Variants in LRP3 observed in about 807,000 individuals in gnomAD.
LRP3 encodes the protein low-density lipoprotein receptor-related protein 3.
Under a neutral mutation model 58.5 loss-of-function variants are expected in LRP3, and 49 were observed. The ratio of observed to expected loss-of-function variants is 0.84; its 90% CI spans 0.67 to 1.06. LRP3 has a LOEUF of 1.06. LRP3 is among the 50% of genes least tolerant of loss of function. LRP3 has a pLI of 0.00. For synonymous variants in LRP3, 485 were observed against 492.2 expected (o/e 0.99, Z 0.20); for missense variants, 1,019 against 1,134.2 (o/e 0.90, Z 1.46).
chr19:33,206,209 G>T lies in LRP3; in HGVS notation c.1439G>T (p.Cys480Phe). 6.3e-7 allele frequency: 1 copy of T among 1,595,488 alleles called. No individual in the cohort carries two copies. The highest frequency in any genetic ancestry group is 8.5e-7 in the Non-Finnish European group (1 of 1,171,098). ...ETWRCDGQED[C>F]QDGSDEHGCL... ...TGGCGCTGTGACGGCCAGGAAGACT[G>T]CCAGGACGGCAGCGATGAGCATGGG... Residue 480 changes from cysteine to phenylalanine, a missense_variant, in exon 5 of 7, where the codon TGC (cysteine) becomes TTC (phenylalanine). Cys to Phe is a radical substitution (Grantham distance 205). Coordinates refer to ENST00000253193, the MANE Select transcript of LRP3 (RefSeq NM_002333.4).
chr19:33,205,925 C>T lies in LRP3; in HGVS notation c.1155C>T (p.Ser385=). The T allele has an allele frequency of 6.2e-7, 1 of 1,600,948 alleles. No individual in the cohort carries two copies. Among genetic ancestry groups the T allele is most frequent in the Non-Finnish European group, 8.5e-7 (1 of 1,173,656 alleles). ...GCAGTAGTGACAGTGACGGGGGCAGCCTGGGCGACCAGGGCTGCTTCTCAG... is the reference window on the plus strand; with the variant it reads ...GCAGTAGTGACAGTGACGGGGGCAGTCTGGGCGACCAGGGCTGCTTCTCAG... ...CGSSSDSDGG[S]LGDQGCFSEP... Residue 385 remains serine, a synonymous_variant, in exon 5 of 7, where the codon AGC becomes AGT. Transcript: ENST00000253193.
At chr19:33,197,951 G>A (rs765416005) in intron 2 of LRP3, among the ~76,000 whole-genome samples, 4 of 152,170 alleles carry the variant, frequency 2.6e-5, no homozygotes, top group East Asian at 1.9e-4. Flanking sequence ...GCTCAAGGCC[G>A]GGCCTTGCTC....
chr19:33,206,559 C>G (rs756897911), intron 5 of LRP3, 42 bp from the exon 6 acceptor site: 1 of 1,595,104 alleles, frequency 6.3e-7, no homozygotes, highest in South Asian at 1.1e-5. Context: ...GCTGCAGGTC[C>G]CGGGCAGCCC....
chr19:33,206,234 G>A lies in LRP3; in HGVS notation c.1464G>A (p.Gly488=). Residue 488 remains glycine, a synonymous_variant, in exon 5 of 7, where the codon GGG becomes GGA. Transcript: ENST00000253193. ...EDCQDGSDEH[G]CLAAVPRKVI... is the part of the protein sequence containing the mutation. ...GCCAGGACGGCAGCGATGAGCATGG[G>A]TGCCTGGCCGCCGTGCCCCGCAAGG... 6.3e-7 allele frequency: 1 copy of A among 1,597,158 alleles called. No individual in the cohort carries two copies. Among genetic ancestry groups the A allele is most frequent in the Middle Eastern group, 1.7e-4 (1 of 6,046 alleles).
chr19:33,199,661 G>A (rs940946030), intron 2 of LRP3, among the ~76,000 whole-genome samples: 1 of 152,072 alleles, frequency 6.6e-6, no homozygotes, highest in Non-Finnish European at 1.5e-5. Flanking sequence ...GGAAATTTCC[G>A]GGGGGCCCCC....
chr19:33,206,409 A>G (rs759499757), intron 5 of LRP3, 47 bp downstream of exon 5: 1 of 1,599,592 alleles, frequency 6.3e-7, no homozygotes, highest in Non-Finnish European at 8.5e-7. Flanking sequence ...TTCATCACCC[A>G]GGCTTGCTGT....
Position 33,205,953 on chromosome 19 carries a change from C to T in LRP3, c.1183C>T (p.Pro395Ser), listed in dbSNP as rs1311892735. 1.3e-6 allele frequency: 2 copies of T among 1,589,024 alleles called. No homozygotes were observed. Among genetic ancestry groups the T allele is most frequent in the East Asian group, 4.5e-5 (2 of 44,048 alleles). Residue 395 changes from proline to serine, a missense_variant, in exon 5 of 7, where the codon CCA becomes TCA. By Grantham distance (74) the Pro-to-Ser change is moderately conservative. Coordinates refer to ENST00000253193, the MANE Select transcript of LRP3 (RefSeq NM_002333.4). The stretch of plus-strand genomic sequence containing the variant: ...GGGCGACCAGGGCTGCTTCTCAGAG[C>T]CACAGCGCTGTGATGGCTGGTGGCA... ...SLGDQGCFSE[P>S]QRCDGWWHCA...
intron 3 of LRP3, 111 bp downstream of exon 3, chr19:33,203,097 ATG>A: frequency 1.5e-6 from 2 of 1,317,450 alleles, no homozygotes; most frequent in Non-Finnish European, 2.1e-6. Flanking sequence ...GAGGGTGTAC[ATG>A]TGTGTGAGCA....
rs1266917574 is a variant in LRP3 at position 33,194,371 on chromosome 19, G to A, written c.-415G>A. On this transcript the variant is annotated 5_prime_UTR_variant, in exon 1 of 7. Coordinates refer to ENST00000253193, the MANE Select transcript of LRP3 (RefSeq NM_002333.4). ...CTCTACCGGCGGCACCCGGCCGGGC[G>A]GGCTGGGCGCAGCGCGGGGCGGCCC... is the stretch of plus-strand genomic sequence containing the variant. 6.9e-6 allele frequency among the ~76,000 whole-genome samples: 1 copy of A among 145,576 alleles called. No individual in the cohort carries two copies. Among genetic ancestry groups the A allele is most frequent in the Non-Finnish European group, 1.5e-5 (1 of 65,584 alleles).
At position 33,207,271 on chromosome 19, in the gene LRP3, C is replaced by T. The variant is rs781316673; in HGVS notation, c.2009C>T (p.Ala670Val). Reference protein sequence around the residue: ...TRAAGDRPPSAPGRAPEVGPS... With the variant: ...TRAAGDRPPSVPGRAPEVGPS... ...GCGGCCGGAGACAGGCCCCCCAGTG[C>T]CCCCGGCCGTGCACCGGAGGTGGGA... The change falls in exon 7 of 7, where the codon GCC becomes GTC. Residue 670 changes from alanine (A) to valine (V), a missense_variant. By Grantham distance (64) the Ala-to-Val change is moderately conservative. Around this residue, in one of 2 missense-constraint regions of LRP3, gnomAD observed 427 missense variants for 408.6 expected, o/e 1.04. Transcript: ENST00000253193. The T allele has an allele frequency of 9.0e-6, 14 of 1,552,340 alleles. No homozygotes were observed. Among genetic ancestry groups the T allele is most frequent in the Non-Finnish European group, 1.2e-5 (14 of 1,156,728 alleles).
intron 2 of LRP3, among the ~76,000 whole-genome samples, chr19:33,201,932 T>A (rs927869034): frequency 6.6e-6 from 1 of 152,138 alleles, no homozygotes; most frequent in Non-Finnish European, 1.5e-5. Context: ...GGGCTCCTCC[T>A]TTGAGCTGGC....
rs747918129 is a variant in LRP3, at chr19:33,206,667, T to C, written c.1659T>C (p.Tyr553=). 6 of 1,581,612 alleles carry C rather than the reference T, an allele frequency of 3.8e-6. No individual in the cohort carries two copies. Among genetic ancestry groups the C allele is most frequent in the East Asian group, 2.2e-5 (1 of 44,614 alleles). The change falls in exon 6 of 7, where the codon TAT becomes TAC. Residue 553 remains tyrosine (Y), a synonymous_variant. Transcript: ENST00000253193. ...TGCGGCGGGAGGCACCCCCATCCTA[T>C]GGTCAGCTCATCGCCCAGGGCCTCA... is the stretch of plus-strand genomic sequence containing the variant. ...EFVRREAPPS[Y]GQLIAQGLIP...
In LRP3 at chr19:33,206,231, T is replaced by C. The variant is rs746365558; in HGVS notation, c.1461T>C (p.His487=). The C allele has an allele frequency of 4.4e-6, 7 of 1,597,198 alleles. No individual in the cohort carries two copies. In the East Asian group the frequency reaches 9.0e-5, roughly 21 times the overall value. Residue 487 remains histidine, a synonymous_variant, in exon 5 of 7, where the codon CAT becomes CAC. Coordinates refer to ENST00000253193, the MANE Select transcript of LRP3 (RefSeq NM_002333.4). ...ACTGCCAGGACGGCAGCGATGAGCA[T>C]GGGTGCCTGGCCGCCGTGCCCCGCA... The part of the protein sequence containing the change: ...QEDCQDGSDE[H]GCLAAVPRKV...
In LRP3 at chr19:33,205,420, T is replaced by A. The variant is rs1416735921; in HGVS notation, c.650T>A (p.Phe217Tyr). ...PPGSLCPGGTFPCSGARSTRC... is the reference protein window; with the variant it reads ...PPGSLCPGGTYPCSGARSTRC... Reference sequence around the variant, plus strand: ...GGCAGCCTGTGCCCCGGGGGGACCTTCCCATGCAGCGGGGCGCGCTCCACG... The same window carrying A: ...GGCAGCCTGTGCCCCGGGGGGACCTACCCATGCAGCGGGGCGCGCTCCACG... The change falls in exon 5 of 7, where the codon TTC (phenylalanine) becomes TAC (tyrosine). Residue 217 changes from phenylalanine (F) to tyrosine (Y), a missense_variant. Physicochemically the swap from Phe to Tyr is conservative, Grantham distance 22. Coordinates refer to ENST00000253193, the MANE Select transcript of LRP3 (RefSeq NM_002333.4). The A allele has an allele frequency of 6.3e-7, 1 of 1,593,786 alleles. No homozygotes were observed. Among genetic ancestry groups the A allele is most frequent in the African/African-American group, 1.3e-5 (1 of 74,612 alleles).
chr19:33,207,507 A>T lies in LRP3; in HGVS notation c.2245A>T (p.Arg749Trp). The T allele has an allele frequency of 6.2e-7, 1 of 1,602,876 alleles. No individual in the cohort carries two copies. Among genetic ancestry groups the T allele is most frequent in the Non-Finnish European group, 8.5e-7 (1 of 1,177,682 alleles). ...CTCGCCAGAGCCACTGGGGGTCTGC[A>T]GGAACCCCCCGCCCCCCTGCTCCCC... is the stretch of plus-strand genomic sequence containing the variant. ...PHSPEPLGVC[R>W]NPPPPCSPML... Residue 749 changes from arginine (R) to tryptophan (W), a missense_variant, in exon 7 of 7, where the codon AGG becomes TGG. Arg to Trp is a moderately radical substitution (Grantham distance 101, BLOSUM62 -3). Around this residue, in one of 2 missense-constraint regions of LRP3, gnomAD observed 427 missense variants for 408.6 expected, o/e 1.04. Transcript: ENST00000253193.
chr19:33,207,414 C>T lies in LRP3; in HGVS notation c.2152C>T (p.Arg718Trp), dbSNP rs745884839. The change falls in exon 7 of 7, where the codon CGG (arginine) becomes TGG (tryptophan). Residue 718 changes from arginine to tryptophan, a missense_variant. By Grantham distance (101) the Arg-to-Trp change is moderately radical. Transcript: ENST00000253193. ...VDGPAPADAP[R>W]EPCSAQDPHP... is the part of the protein sequence containing the mutation. ...CGGCCCAGCTCCTGCAGATGCACCTCGGGAGCCCTGCTCAGCCCAGGACCC... is the reference window on the plus strand; with the variant it reads ...CGGCCCAGCTCCTGCAGATGCACCTTGGGAGCCCTGCTCAGCCCAGGACCC... 1.2e-5 allele frequency: 19 copies of T among 1,590,784 alleles called. No individual in the cohort carries two copies. Among genetic ancestry groups the T allele is most frequent in the East Asian group, 6.8e-5 (3 of 44,050 alleles).
At chr19:33,198,186 T>C (rs2084212437) in intron 2 of LRP3, among the ~76,000 whole-genome samples, 1 of 152,184 alleles carries the variant, frequency 6.6e-6, no homozygotes, top group Admixed American at 6.5e-5. Flanking sequence ...AATGTGTATA[T>C]ACTCCACTTT....
rs546649588 is a variant in LRP3 at position 33,194,986 on chromosome 19, C to T, written c.73+128C>T. On this transcript the variant is annotated intron_variant, in intron 1 of 6. Coordinates refer to ENST00000253193, the MANE Select transcript of LRP3 (RefSeq NM_002333.4). ...ACCGCGGTGGCTCCCGCGCGGAGAC[C>T]CAGAGAGGGGCCAGCACCGCTTGCC... 21 of 303,600 alleles carry T rather than the reference C, an allele frequency of 6.9e-5. No homozygotes were observed. The East Asian group carries it at 2.6e-3, about 38-fold the overall frequency. The allele number at this position is 303,600 out of a possible 1,614,324, so 18.8% of individuals were successfully genotyped here.
intron 3 of LRP3, 143 bp downstream of exon 3, chr19:33,203,129 G>T (rs1224371356): frequency 3.8e-6 from 4 of 1,053,720 alleles, no homozygotes; most frequent in Non-Finnish European, 5.5e-6. Context: ...TCATGTGCAT[G>T]TGTGTGAGCA....
Sources: allele counts gnomAD v4.1 joint callset (sites outside exome capture counted in the v4.1 genomes callset), GRCh38; gene constraint gnomAD v4.1.1; regional missense constraint gnomAD v4.1.1; transcripts MANE v1.5; gene names NCBI Gene and HGNC (gene_info 2026-07-23, HGNC 2026-07-21).